The following MAN2A1 variants were observed in gnomAD, a reference collection of about 807,000 sequenced individuals.
MAN2A1 encodes mannosidase alpha class 2A member 1.
Under a neutral mutation model 142.6 loss-of-function variants are expected in MAN2A1, and 76 were observed. That is an observed-to-expected ratio of 0.53 (90% CI 0.44 to 0.65). The LOEUF is 0.65. Among genes scored for constraint, MAN2A1 ranks in the 30% least tolerant of loss-of-function variants. The probability of loss-of-function intolerance (pLI) is 0.00; values close to 1 mark genes in which losing one functional copy is unlikely to be tolerated. For synonymous variants in MAN2A1, 559 were observed against 473.2 expected, an observed-to-expected ratio of 1.18 and a Z score of -2.35; for missense variants, 1,311 against 1,365.1, an observed-to-expected ratio of 0.96 and a Z score of 0.62.
At chr5:109,760,524 G>A (rs1371963405) in intron 5 of MAN2A1, among the ~76,000 whole-genome samples, 1 of 152,120 alleles carries the variant, frequency 6.6e-6, no homozygotes, top group African/African-American at 2.4e-5. Context: ...GTGTCAAATG[G>A]TATTTCTGGT....
intron 4 of MAN2A1, among the ~76,000 whole-genome samples, chr5:109,742,180 A>G (rs1049202130): frequency 6.6e-6 from 1 of 152,206 alleles, no homozygotes; most frequent in African/African-American, 2.4e-5. Flanking sequence ...AACAGCTTTT[A>G]TATTGCATCT....
intron 16 of MAN2A1, among the ~76,000 whole-genome samples, chr5:109,831,532 T>A (rs1428288424): frequency 1.3e-5 from 2 of 152,228 alleles, no homozygotes; most frequent in East Asian, 3.8e-4. Context: ...AAGTTTTTCT[T>A]TATACATTTA....
chr5:109,719,753 A>G (rs1488250583), intron 3 of MAN2A1, among the ~76,000 whole-genome samples: 2 of 152,134 alleles, frequency 1.3e-5, no homozygotes, highest in East Asian at 1.9e-4. Flanking sequence ...GTGTTTTTCT[A>G]TATATAGATA....
chr5:109,797,961 T>G (rs1270310394), intron 12 of MAN2A1, among the ~76,000 whole-genome samples: 1 of 152,220 alleles, frequency 6.6e-6, no homozygotes, highest in Non-Finnish European at 1.5e-5. Context: ...ACAGGCACAC[T>G]TCCCATATTT....
At chr5:109,733,191 T>C (rs1011770087) in intron 4 of MAN2A1, among the ~76,000 whole-genome samples, 3 of 152,142 alleles carry the variant, frequency 2.0e-5, no homozygotes, top group African/African-American at 7.2e-5. Flanking sequence ...TAAGAATGCT[T>C]GTGATTTTTG....
chr5:109,693,551 C>A (rs1421376164), intron 1 of MAN2A1, among the ~76,000 whole-genome samples: 1 of 151,948 alleles, frequency 6.6e-6, no homozygotes, highest in African/African-American at 2.4e-5. Context: ...TTTTTAAAGA[C>A]CATCCTAGAT....
chr5:109,814,102 A>G (rs1476961395), intron 12 of MAN2A1, among the ~76,000 whole-genome samples: 1 of 152,202 alleles, frequency 6.6e-6, no homozygotes, highest in African/African-American at 2.4e-5. Context: ...ATGATACGTA[A>G]GAAGCTAATG....
rs779697615 is a variant in MAN2A1, at chr5:109,713,760, A to G, written c.376A>G (p.Asn126Asp). The part of the protein sequence containing the change: ...CLFASQSGSH[N>D]SDVQMLDVYS... ...GTTTGCTTCACAAAGTGGAAGTCAC[A>G]ATTCAGATGTGCAGGTAATGTATAC... Residue 126 changes from asparagine to aspartate, a missense_variant, in exon 2 of 22, where the codon AAT becomes GAT. Around this residue, in one of 3 missense-constraint regions of MAN2A1, gnomAD observed 409 missense variants for 412.7 expected, o/e 0.99. Transcript: ENST00000261483. 2.1e-5 allele frequency: 34 copies of G among 1,613,064 alleles called. No individual in the cohort carries two copies. The highest frequency in any genetic ancestry group is 2.7e-5 in the Non-Finnish European group (32 of 1,179,826).
In MAN2A1 at chr5:109,729,482, A is replaced by T. The variant is rs777987831; in HGVS notation, c.676A>T (p.Ile226Leu). The T allele has an allele frequency of 6.4e-7, 1 of 1,555,548 alleles. No homozygotes were observed. The highest frequency in any genetic ancestry group is 1.4e-5 in the African/African-American group (1 of 72,188). ...ISYLSKWWDI[I>L]DIQKKDAVKS... ...TTACCTTTCAAAGTGGTGGGATATT[A>T]TAGATATTCAGAAGAAGGATGCTGT... The change falls in exon 4 of 22, where the codon ATA becomes TTA. Residue 226 changes from isoleucine (I) to leucine (L), a missense_variant. By Grantham distance (5) the Ile-to-Leu change is conservative. Transcript: ENST00000261483.
intron 12 of MAN2A1, chr5:109,804,297 T>C (rs901627936): frequency 2.0e-6 from 2 of 986,870 alleles, no homozygotes; most frequent in Non-Finnish European, 2.4e-6. Flanking sequence ...ACATTTTAAA[T>C]AGAGCCTTTG....
intron 12 of MAN2A1, among the ~76,000 whole-genome samples, chr5:109,797,559 A>G (rs989617453): frequency 6.6e-6 from 1 of 152,182 alleles, no homozygotes; most frequent in Non-Finnish European, 1.5e-5. Flanking sequence ...GAGAAGGAAG[A>G]TGATGATCGG....
intron 12 of MAN2A1, 88 bp downstream of exon 12, chr5:109,789,615 T>G: frequency 1.2e-6 from 1 of 811,818 alleles, no homozygotes; most frequent in Non-Finnish European, 1.9e-6. Context: ...TAGCGTATAT[T>G]TTGAGGCAAT....
In MAN2A1 at chr5:109,781,547, C is replaced by T; in HGVS notation, c.1526C>T (p.Thr509Ile). The T allele has an allele frequency of 6.2e-7, 1 of 1,611,934 alleles. No individual in the cohort carries two copies. Among genetic ancestry groups the T allele is most frequent in the Non-Finnish European group, 8.5e-7 (1 of 1,179,438 alleles). ...GATCATTACTGGAGTGGCTATTTTACATCCAGACCCTTTTACAAACGAATG... is the reference window on the plus strand; with the variant it reads ...GATCATTACTGGAGTGGCTATTTTATATCCAGACCCTTTTACAAACGAATG... ...RDDHYWSGYF[T>I]SRPFYKRMDR... Residue 509 changes from threonine (T) to isoleucine (I), a missense_variant, in exon 9 of 22, where the codon ACA (threonine) becomes ATA (isoleucine). By Grantham distance (89) the Thr-to-Ile change is moderately conservative. Transcript: ENST00000261483.
intron 19 of MAN2A1, among the ~76,000 whole-genome samples, chr5:109,850,112 T>C (rs1415846885): frequency 6.6e-6 from 1 of 152,224 alleles, no homozygotes; most frequent in Non-Finnish European, 1.5e-5. Flanking sequence ...TATTTGATCC[T>C]GTCTTCTCCC....
intron 4 of MAN2A1, among the ~76,000 whole-genome samples, chr5:109,749,281 A>G (rs1469709103): frequency 6.6e-6 from 1 of 152,162 alleles, no homozygotes; most frequent in Non-Finnish European, 1.5e-5. Context: ...CATAGGGGAA[A>G]AAGTGACACT....
At chr5:109,851,541 A>G (rs1465462100) in intron 19 of MAN2A1, among the ~76,000 whole-genome samples, 1 of 152,188 alleles carries the variant, frequency 6.6e-6, no homozygotes, top group African/African-American at 2.4e-5. Context: ...TCACCATGTG[A>G]TAATGCAGCA....
intron 7 of MAN2A1, among the ~76,000 whole-genome samples, chr5:109,772,027 T>C (rs1753159833): frequency 6.6e-6 from 1 of 151,686 alleles, no homozygotes; most frequent in Non-Finnish European, 1.5e-5. Context: ...GTTCCAGTGG[T>C]TTTGAAAGTG....
intron 10 of MAN2A1, among the ~76,000 whole-genome samples, chr5:109,785,583 G>A (rs1324993496): frequency 6.6e-6 from 1 of 151,922 alleles, no homozygotes; most frequent in Admixed American, 6.6e-5. Flanking sequence ...AATGAGTATA[G>A]GCATGGTCTG....
At chr5:109,775,489 TTC>T (rs888108772) in intron 8 of MAN2A1, among the ~76,000 whole-genome samples, 8 of 152,004 alleles carry the variant, frequency 5.3e-5, no homozygotes, top group African/African-American at 1.9e-4. Context: ...CTTTTTTTTT[TTC>T]TTATGGAAAA....
Sources: gnomAD v4.1 joint callset for allele counts (sites outside exome capture counted in the v4.1 genomes callset) on GRCh38, gnomAD v4.1.1 for gene constraint, gnomAD v4.1.1 regional missense constraint, MANE v1.5 for transcripts, NCBI Gene and HGNC (gene_info 2026-07-23, HGNC 2026-07-21) for gene names.